Variants in SH3GL3 observed in about 807,000 individuals in gnomAD.
SH3GL3 encodes SH3 domain containing GRB2 like 3, endophilin A3.
In SH3GL3, 33 loss-of-function variants were observed where a neutral mutation model predicts 47.7. The observed-to-expected ratio is 0.69, with a 90% CI of 0.52 to 0.92. The LOEUF (loss-of-function observed/expected upper bound fraction) is 0.92, where lower values mean the gene tolerates loss of function less well. Ranked by LOEUF, SH3GL3 falls within the 40% of genes least tolerant of loss-of-function variation. The pLI, the probability that SH3GL3 is intolerant of heterozygous loss-of-function variation, is 0.00. For synonymous variants in SH3GL3, 155 were observed against 148.8 expected, an observed-to-expected ratio of 1.04 and a Z score of -0.30; for missense variants, 363 against 417.8, an observed-to-expected ratio of 0.87 and a Z score of 1.14.
intron 8 of SH3GL3, among the ~76,000 whole-genome samples, chr15:83,602,962 CAG>C (rs1484884311): frequency 1.3e-5 from 2 of 152,124 alleles, no homozygotes; most frequent in Admixed American, 6.5e-5. Flanking sequence ...TTAGTAGACA[CAG>C]ATGTCTTCAG....
At chr15:83,633,542 A>G in the SH3GL3 span, among the ~76,000 whole-genome samples, 1 of 152,162 alleles carries the variant, frequency 6.6e-6, no homozygotes, top group Admixed American at 6.5e-5. Context: ...TATGCCCGCT[A>G]TGAAACTCTC....
chr15:83,460,081 CCTTCCTTCCTTCCTTG>C, intron 1 of SH3GL3, among the ~76,000 whole-genome samples: 1 of 127,426 alleles, frequency 7.8e-6, no homozygotes, highest in East Asian at 2.8e-4. Context: ...TTCCTTCCTT[CCTTCCTTCCTTCCTTG>C]CTTCCTTCCT....
At chr15:83,613,386 T>A (rs920194356) in intron 8 of SH3GL3, among the ~76,000 whole-genome samples, 4 of 152,166 alleles carry the variant, frequency 2.6e-5, no homozygotes, top group African/African-American at 9.7e-5. Flanking sequence ...AATATCAAAG[T>A]GGGCAATGTG....
intron 1 of SH3GL3, among the ~76,000 whole-genome samples, chr15:83,456,959 A>G (rs1032738653): frequency 3.3e-5 from 5 of 152,256 alleles, no homozygotes; most frequent in Admixed American, 6.5e-5. Flanking sequence ...TACAAATAGC[A>G]TAGATATGGC....
the SH3GL3 span, among the ~76,000 whole-genome samples, chr15:83,631,585 G>T: frequency 6.6e-6 from 1 of 152,226 alleles, no homozygotes; most frequent in African/African-American, 2.4e-5. Context: ...GCCACCAAGG[G>T]TTGGGGCTTG....
Position 83,618,181 on chromosome 15 carries a change from C to T in SH3GL3, c.938C>T (p.Thr313Ile). 2 of 1,609,168 alleles carry T rather than the reference C, an allele frequency of 1.2e-6. No individual in the cohort carries two copies. The highest frequency in any genetic ancestry group is 2.2e-5 in the South Asian group (2 of 90,988). Residue 313 changes from threonine to isoleucine, a missense_variant, in exon 9 of 9, where the codon ACA (threonine) becomes ATA (isoleucine). Thr to Ile is a moderately conservative substitution (Grantham distance 89). Transcript: ENST00000427482. ...GGATTTAAAGAAGGGGACATCATTA[C>T]ATTAACCAATCAAATAGATGAAAAC... ...ELGFKEGDII[T>I]LTNQIDENWY... is the part of the protein sequence containing the mutation.
intron 1 of SH3GL3, among the ~76,000 whole-genome samples, chr15:83,456,814 C>T (rs988902731): frequency 3.9e-5 from 6 of 152,082 alleles, no homozygotes; most frequent in African/African-American, 1.2e-4. Flanking sequence ...TGTTCCTATT[C>T]GGCCATCTTG....
chr15:83,573,965 C>G (rs1455273260), intron 5 of SH3GL3, among the ~76,000 whole-genome samples: 2 of 152,190 alleles, frequency 1.3e-5, no homozygotes, highest in African/African-American at 4.8e-5. Context: ...AGAAGCACCT[C>G]TTTCAGCCTG....
intron 1 of SH3GL3, among the ~76,000 whole-genome samples, chr15:83,499,007 C>T (rs2042188579): frequency 6.6e-6 from 1 of 152,160 alleles, no homozygotes; most frequent in South Asian, 2.1e-4. Context: ...TTGCTTTCTC[C>T]TCCTTTAAGA....
Position 83,588,768 on chromosome 15 carries a change from A to G in SH3GL3, c.835A>G (p.Thr279Ala). 6.5e-7 allele frequency: 1 copy of G among 1,545,956 alleles called. No individual in the cohort carries two copies. The highest frequency in any genetic ancestry group is 1.1e-5 in the South Asian group (1 of 89,654). The part of the protein sequence containing the change: ...GVSTTSVVKT[T>A]GSNIPMDQPC... The stretch of plus-strand genomic sequence containing the variant: ...TTCCACCACCTCTGTAGTGAAGACG[A>G]CAGGTAAGTTGACCATTCTAATATG... Residue 279 changes from threonine to alanine, a missense_variant, in exon 8 of 9, where the codon ACA becomes GCA. By Grantham distance (58) the Thr-to-Ala change is moderately conservative (BLOSUM62 0). Transcript: ENST00000427482.
At chr15:83,515,798 T>A (rs947198206) in intron 1 of SH3GL3, among the ~76,000 whole-genome samples, 4 of 152,234 alleles carry the variant, frequency 2.6e-5, no homozygotes, top group Non-Finnish European at 4.4e-5. Flanking sequence ...GTTAATGTCA[T>A]GGATAACGTT....
At chr15:83,462,940 A>G (rs1413882684) in intron 1 of SH3GL3, among the ~76,000 whole-genome samples, 1 of 152,200 alleles carries the variant, frequency 6.6e-6, no homozygotes, top group Non-Finnish European at 1.5e-5. Flanking sequence ...CCTAGCACCC[A>G]GGGATATTCA....
At chr15:83,570,450 C>T (rs1311070295) in intron 4 of SH3GL3, among the ~76,000 whole-genome samples, 1 of 152,016 alleles carries the variant, frequency 6.6e-6, no homozygotes, top group Non-Finnish European at 1.5e-5. Context: ...TATTGTATTG[C>T]AAAAAGTTCA....
At chr15:83,525,351 C>CGCGTGT (rs1555488734) in intron 1 of SH3GL3, among the ~76,000 whole-genome samples, 2 of 147,982 alleles carry the variant, frequency 1.4e-5, no homozygotes, top group African/African-American at 5.0e-5. Context: ...ATTCTTTGTG[C>CGCGTGT]GTGTGTGTGT....
intron 8 of SH3GL3, chr15:83,609,390 A>G: frequency 2.2e-6 from 1 of 447,514 alleles, no homozygotes; most frequent in South Asian, 1.6e-5. Flanking sequence ...GAGAAAAACT[A>G]TAAAAAGCAG....
chr15:83,514,564 C>G (rs1021713062), intron 1 of SH3GL3, among the ~76,000 whole-genome samples: 1 of 152,154 alleles, frequency 6.6e-6, no homozygotes, highest in Non-Finnish European at 1.5e-5. Flanking sequence ...CTCTGTAAAC[C>G]AGACATTATT....
At chr15:83,582,172 C>G (rs958386019) in intron 6 of SH3GL3, among the ~76,000 whole-genome samples, 1 of 152,186 alleles carries the variant, frequency 6.6e-6, no homozygotes, top group Non-Finnish European at 1.5e-5. Context: ...GAAGTTTATT[C>G]CTCATTATTC....
intron 1 of SH3GL3, among the ~76,000 whole-genome samples, chr15:83,552,029 T>C (rs2044695123): frequency 6.6e-6 from 1 of 152,240 alleles, no homozygotes. Flanking sequence ...CTCATTTATA[T>C]AATTGCTTCC....
At chr15:83,564,164 AT>A (rs986547924) in intron 2 of SH3GL3, among the ~76,000 whole-genome samples, 2 of 152,146 alleles carry the variant, frequency 1.3e-5, no homozygotes, top group Admixed American at 6.5e-5. Flanking sequence ...TTATAGTCTG[AT>A]TTTTTTAGGT....
Sources: allele counts gnomAD v4.1 joint callset (sites outside exome capture counted in the v4.1 genomes callset), GRCh38; gene constraint gnomAD v4.1.1; transcripts MANE v1.5; gene names NCBI Gene and HGNC (gene_info 2026-07-23, HGNC 2026-07-21).